The following IL1RAPL1 variants were observed in gnomAD, a reference collection of about 807,000 sequenced individuals.
IL1RAPL1 encodes the protein interleukin 1 receptor accessory protein like 1.
A neutral mutation model predicts 48.4 loss-of-function variants in IL1RAPL1; 3 were observed. That is an observed-to-expected ratio of 0.06 (90% CI 0.03 to 0.16). The LOEUF (loss-of-function observed/expected upper bound fraction) is 0.16. IL1RAPL1 is among the 10% of genes least tolerant of loss of function. The pLI is 1.00. For synonymous variants in IL1RAPL1, 185 were observed against 187.7 expected (o/e 0.99, Z 0.12); for missense variants, 349 against 530.6 (o/e 0.66, Z 3.36).
intron 2 of IL1RAPL1, among the ~76,000 whole-genome samples, chrX:28,930,016 G>A (rs1333277399): frequency 1.8e-5 from 2 of 112,091 alleles, no homozygotes; most frequent in South Asian, 3.7e-4. Flanking sequence ...CTTAAATAAC[G>A]AAGGTAAGAG....
intron 2 of IL1RAPL1, among the ~76,000 whole-genome samples, chrX:29,064,814 C>A (rs932867857): frequency 1.8e-5 from 2 of 112,046 alleles, no homozygotes; most frequent in African/African-American, 3.2e-5. Flanking sequence ...ATCTCCTGAC[C>A]TCCTGTTCCA....
chrX:29,429,894 G>GTGGTGT (rs34694649), intron 5 of IL1RAPL1, among the ~76,000 whole-genome samples: 15 of 85,104 alleles, frequency 1.8e-4, no homozygotes, highest in African/African-American at 6.6e-4. Flanking sequence ...GTGTGTGTGT[G>GTGGTGT]GTGTGTGTGT....
intron 6 of IL1RAPL1, among the ~76,000 whole-genome samples, chrX:29,896,470 A>C (rs1451028148): frequency 4.5e-5 from 5 of 112,119 alleles, no homozygotes; most frequent in Non-Finnish European, 9.4e-5. Flanking sequence ...GCATGTGTGG[A>C]GTTTGTGTGT....
At chrX:29,166,641 C>G (rs1929791465) in intron 2 of IL1RAPL1, among the ~76,000 whole-genome samples, 1 of 112,032 alleles carries the variant, frequency 8.9e-6, no homozygotes, top group Non-Finnish European at 1.9e-5. Context: ...TGACTTAAAA[C>G]CATTTGGTAA....
At chrX:29,894,688 G>A (rs1436464907) in intron 6 of IL1RAPL1, among the ~76,000 whole-genome samples, 3 of 111,693 alleles carry the variant, frequency 2.7e-5, no homozygotes, top group South Asian at 3.7e-4. Context: ...ACATTTTCTA[G>A]TATCATATTT....
At chrX:29,159,789 C>T (rs751465487) in intron 2 of IL1RAPL1, among the ~76,000 whole-genome samples, 45 of 111,433 alleles carry the variant, frequency 4.0e-4, no homozygotes, top group Non-Finnish European at 7.2e-4. Flanking sequence ...TGCAATGGCG[C>T]GATCCTCTGC....
chrX:29,925,623 G>T (rs924271836), intron 8 of IL1RAPL1, among the ~76,000 whole-genome samples: 9 of 105,604 alleles, frequency 8.5e-5, no homozygotes, highest in Non-Finnish European at 1.6e-4. Context: ...CCGCAACCTC[G>T]AATTCCTGGG....
intron 3 of IL1RAPL1, among the ~76,000 whole-genome samples, chrX:29,345,144 A>G (rs971916974): frequency 1.8e-5 from 2 of 112,519 alleles, no homozygotes; most frequent in African/African-American, 6.4e-5. Context: ...ATCCATGAAT[A>G]TGCCTCATTG....
At chrX:29,187,510 G>C (rs749828736) in intron 2 of IL1RAPL1, among the ~76,000 whole-genome samples, 4 of 111,436 alleles carry the variant, frequency 3.6e-5, no homozygotes, top group African/African-American at 1.3e-4. Flanking sequence ...TTATAGGATA[G>C]GAACCCTGAG....
intron 2 of IL1RAPL1, among the ~76,000 whole-genome samples, chrX:28,964,425 G>A (rs1309836741): frequency 5.4e-5 from 6 of 111,156 alleles, no homozygotes; most frequent in Non-Finnish European, 7.6e-5. Context: ...ACTTAATCAC[G>A]AAATTAACCA....
At chrX:29,344,395 C>T (rs902032385) in intron 3 of IL1RAPL1, among the ~76,000 whole-genome samples, 18 of 111,954 alleles carry the variant, frequency 1.6e-4, no homozygotes, top group East Asian at 1.1e-3. Flanking sequence ...GTTTTATGTT[C>T]ACAGAAAAGG....
At chrX:29,443,536 C>T (rs1164503399) in intron 5 of IL1RAPL1, among the ~76,000 whole-genome samples, 1 of 111,381 alleles carries the variant, frequency 9.0e-6, no homozygotes, top group African/African-American at 3.3e-5. Context: ...TTTGGGAGGG[C>T]AGACCACTGA....
chrX:29,640,267 T>C (rs1434345847), intron 5 of IL1RAPL1, among the ~76,000 whole-genome samples: 1 of 112,177 alleles, frequency 8.9e-6, no homozygotes, highest in Non-Finnish European at 1.9e-5. Flanking sequence ...ATCACTGCTA[T>C]TTCTCTGATT....
chrX:29,600,027 G>A (rs757940854), intron 5 of IL1RAPL1, among the ~76,000 whole-genome samples: 3 of 111,939 alleles, frequency 2.7e-5, no homozygotes, highest in Middle Eastern at 4.3e-3. Context: ...CTGGTAATTT[G>A]GAGATTTCAT....
chrX:29,802,779 ATATG>A (rs1361677845), intron 6 of IL1RAPL1, among the ~76,000 whole-genome samples: 490 of 22,302 alleles, frequency 0.022, 5 homozygotes, highest in East Asian at 0.12. Flanking sequence ...ATATATATAT[ATATG>A]TGTGTGTGTA....
chrX:29,662,874 A>G (rs777585062), intron 5 of IL1RAPL1, among the ~76,000 whole-genome samples: 2 of 112,000 alleles, frequency 1.8e-5, no homozygotes, highest in African/African-American at 6.5e-5. Flanking sequence ...CTGAGGCTCC[A>G]TGACTCCGTG....
intron 6 of IL1RAPL1, among the ~76,000 whole-genome samples, chrX:29,810,869 A>T (rs1930367026): frequency 8.9e-6 from 1 of 112,136 alleles, no homozygotes; most frequent in Admixed American, 9.5e-5. Flanking sequence ...TAACAATTTT[A>T]CATAGTCTTT....
At chrX:29,229,301 T>C (rs1049875639) in intron 2 of IL1RAPL1, among the ~76,000 whole-genome samples, 1 of 110,907 alleles carries the variant, frequency 9.0e-6, no homozygotes, top group Non-Finnish European at 1.9e-5. Flanking sequence ...AATTGAAAAG[T>C]GTTGGAAACT....
At chrX:28,775,966 G>C (rs1449070769) in intron 1 of IL1RAPL1, among the ~76,000 whole-genome samples, 5 of 112,028 alleles carry the variant, frequency 4.5e-5, no homozygotes, top group Non-Finnish European at 3.8e-5. Flanking sequence ...CTCATAATGT[G>C]TATTAACTGA....
Sources: allele counts gnomAD v4.1 joint callset (sites outside exome capture counted in the v4.1 genomes callset), GRCh38; gene constraint gnomAD v4.1.1; transcripts MANE v1.5; gene names NCBI Gene and HGNC (gene_info 2026-07-23, HGNC 2026-07-21).